The following PDE3A variants were observed in gnomAD, a reference collection of about 807,000 sequenced individuals.
PDE3A encodes phosphodiesterase 3A, also known as cGMP-inhibited 3',5'-cyclic phosphodiesterase 3A.
In PDE3A, 43 loss-of-function variants were observed where a neutral mutation model predicts 98.3. That is an observed-to-expected ratio of 0.44 (90% CI 0.34 to 0.56). The LOEUF is 0.56. Among genes scored for constraint, PDE3A ranks in the 20% least tolerant of loss-of-function variants. The pLI is 0.01. For synonymous variants in PDE3A, 663 were observed against 567.9 expected (o/e 1.17, Z -2.38); for missense variants, 1,427 against 1,440.7 (o/e 0.99, Z 0.15).
intron 1 of PDE3A, chr12:20,371,316 A>G (rs1414398772): frequency 3.1e-6 from 3 of 982,686 alleles, no homozygotes; most frequent in East Asian, 1.1e-4. Flanking sequence ...GTTGAAGCAG[A>G]TTTGTTCACC....
intron 2 of PDE3A, among the ~76,000 whole-genome samples, chr12:20,580,211 A>G (rs1005982174): frequency 6.6e-5 from 10 of 152,158 alleles, no homozygotes; most frequent in Non-Finnish European, 1.3e-4. Context: ...AAATAATTTC[A>G]TGACTTGGGG....
chr12:20,428,288 T>C (rs574393269), intron 1 of PDE3A, among the ~76,000 whole-genome samples: 2 of 152,206 alleles, frequency 1.3e-5, no homozygotes, highest in South Asian at 2.1e-4. Context: ...TTAGTAGTAG[T>C]AGTATTTTTG....
chr12:20,493,408 A>G (rs1945861968), intron 1 of PDE3A, among the ~76,000 whole-genome samples: 1 of 152,172 alleles, frequency 6.6e-6, no homozygotes, highest in Non-Finnish European at 1.5e-5. Context: ...CATTTACATT[A>G]TATTATGTAT....
chr12:20,609,989 A>G (rs149795841), intron 2 of PDE3A, among the ~76,000 whole-genome samples: 1,577 of 152,146 alleles, frequency 0.01, 10 homozygotes, highest in Middle Eastern at 0.017. Context: ...GACCTTGGCA[A>G]TGAATTCTTG....
chr12:20,413,082 A>G (rs1383533071), intron 1 of PDE3A, among the ~76,000 whole-genome samples: 1 of 152,236 alleles, frequency 6.6e-6, no homozygotes, highest in Non-Finnish European at 1.5e-5. Context: ...TTGGATTTTT[A>G]TAGTTTAGTA....
chr12:20,384,294 A>C (rs2120560165), intron 1 of PDE3A, among the ~76,000 whole-genome samples: 1 of 151,928 alleles, frequency 6.6e-6, no homozygotes, highest in Non-Finnish European at 1.5e-5. Context: ...ACATGGAAAT[A>C]AATTCTAATC....
At chr12:20,473,143 G>C (rs1945469631) in intron 1 of PDE3A, among the ~76,000 whole-genome samples, 1 of 152,028 alleles carries the variant, frequency 6.6e-6, no homozygotes, top group Non-Finnish European at 1.5e-5. Flanking sequence ...TAAAATCTTT[G>C]AATTATGAAT....
At chr12:20,608,033 A>G (rs559101897) in intron 2 of PDE3A, among the ~76,000 whole-genome samples, 5 of 152,266 alleles carry the variant, frequency 3.3e-5, no homozygotes, top group African/African-American at 9.6e-5. Flanking sequence ...CACTTTGTAC[A>G]TGATTTAAAA....
At chr12:20,455,236 C>T (rs1356110786) in intron 1 of PDE3A, among the ~76,000 whole-genome samples, 9 of 152,014 alleles carry the variant, frequency 5.9e-5, no homozygotes, top group South Asian at 2.1e-4. Flanking sequence ...TTTTTTCATA[C>T]GCTTGTGGCC....
chr12:20,455,731 T>C (rs1445981815), intron 1 of PDE3A, among the ~76,000 whole-genome samples: 1 of 152,138 alleles, frequency 6.6e-6, no homozygotes, highest in Non-Finnish European at 1.5e-5. Context: ...TAATTGTTCC[T>C]CTCCTATTTC....
intron 1 of PDE3A, among the ~76,000 whole-genome samples, chr12:20,514,091 TC>T: frequency 6.6e-6 from 1 of 152,208 alleles, no homozygotes; most frequent in East Asian, 1.9e-4. Context: ...TGCCCAGGTT[TC>T]ACCCTAAAAT....
chr12:20,432,188 A>G (rs1372880287), intron 1 of PDE3A, among the ~76,000 whole-genome samples: 1 of 152,158 alleles, frequency 6.6e-6, no homozygotes, highest in African/African-American at 2.4e-5. Context: ...AGATACTTAG[A>G]TACTCTTTTC....
At chr12:20,663,070 G>T (rs1032573786) in intron 15 of PDE3A, among the ~76,000 whole-genome samples, 25 of 152,220 alleles carry the variant, frequency 1.6e-4, no homozygotes, top group African/African-American at 6.0e-4. Context: ...GTACAGCTCA[G>T]GTTGTGGCTT....
chr12:20,588,961 C>T (rs1003652882), intron 2 of PDE3A, among the ~76,000 whole-genome samples: 19 of 152,140 alleles, frequency 1.2e-4, no homozygotes, highest in Non-Finnish European at 2.9e-5. Flanking sequence ...CTCGCTCTGT[C>T]GCCCAGGCTG....
rs1275123999 is a variant in PDE3A, at chr12:20,643,912, G to A, written c.2252-2578G>A. Among the ~76,000 whole-genome samples the A allele has an allele frequency of 2.0e-5, 3 of 151,144 alleles. No individual in the cohort carries two copies. The East Asian group carries it at 5.9e-4, about 30-fold the overall frequency. On this transcript the variant is annotated intron_variant, in intron 10 of 15. Coordinates refer to ENST00000359062, the MANE Select transcript of PDE3A (RefSeq NM_000921.5). Reference sequence around the variant, plus strand: ...GGACAGGGTGGATTAGAGCTCAAAAGGATTAGAGCTCAAAAGCTGCAAGTT... The same window carrying A: ...GGACAGGGTGGATTAGAGCTCAAAAAGATTAGAGCTCAAAAGCTGCAAGTT...
At chr12:20,590,872 A>G (rs1218075038) in intron 2 of PDE3A, among the ~76,000 whole-genome samples, 1 of 152,178 alleles carries the variant, frequency 6.6e-6, no homozygotes, top group Non-Finnish European at 1.5e-5. Context: ...TGTGTGTTTC[A>G]TGTTTCTCCA....
chr12:20,394,476 G>T (rs143206129), intron 1 of PDE3A, among the ~76,000 whole-genome samples: 3 of 152,096 alleles, frequency 2.0e-5, no homozygotes, highest in African/African-American at 7.2e-5. Flanking sequence ...AAGAAGTTTT[G>T]CTGTAGTTAA....
chr12:20,369,890 A>G lies in PDE3A; in HGVS notation c.606A>G (p.Thr202=), dbSNP rs777757938. The G allele has an allele frequency of 5.0e-6, 8 of 1,613,216 alleles. No individual in the cohort carries two copies. The highest frequency in any genetic ancestry group is 1.1e-5 in the South Asian group (1 of 91,064). The change falls in exon 1 of 16, where the codon ACA becomes ACG. Residue 202 remains threonine (T), a synonymous_variant. Transcript: ENST00000359062. The stretch of plus-strand genomic sequence containing the variant: ...TGCTCAGCTGCTTGGCCGCCGCGAC[A>G]TGGCTGGTGCTGAGGCTGAGGCTGG... ...GVVLSCLAAA[T]WLVLRLRLGV... is the part of the protein sequence containing the mutation.
intron 2 of PDE3A, among the ~76,000 whole-genome samples, chr12:20,575,778 A>G (rs1233769595): frequency 6.6e-6 from 1 of 151,880 alleles, no homozygotes; most frequent in Non-Finnish European, 1.5e-5. Context: ...TTTTAAGCTC[A>G]AAGTTCTTGA....
Sources: gnomAD v4.1 joint callset for allele counts (sites outside exome capture counted in the v4.1 genomes callset) on GRCh38, gnomAD v4.1.1 for gene constraint, MANE v1.5 for transcripts, NCBI Gene and HGNC (gene_info 2026-07-23, HGNC 2026-07-21) for gene names.